CBLB: variants seen among roughly 807,000 people sequenced by gnomAD.
CBLB encodes E3 ubiquitin-protein ligase CBL-B.
In CBLB, 31 loss-of-function variants were observed where a neutral mutation model predicts 104.9. The ratio of observed to expected loss-of-function variants is 0.30; its 90% CI spans 0.22 to 0.40. The LOEUF (loss-of-function observed/expected upper bound fraction) is 0.40, where lower values mean the gene tolerates loss of function less well. Ranked by LOEUF, CBLB falls within the 10% of genes least tolerant of loss-of-function variation. The pLI is 1.00. For synonymous variants in CBLB, 440 were observed against 422.6 expected, an observed-to-expected ratio of 1.04 and a Z score of -0.51; for missense variants, 1,062 against 1,214.6, an observed-to-expected ratio of 0.87 and a Z score of 1.87.
At chr3:105,780,925 A>G (rs766125949) in intron 3 of CBLB, among the ~76,000 whole-genome samples, 1 of 151,954 alleles carries the variant, frequency 6.6e-6, no homozygotes, top group Non-Finnish European at 1.5e-5. Flanking sequence ...CTCCCAAAGT[A>G]CTGGGATTAT....
At chr3:105,789,742 A>G (rs1354716340) in intron 3 of CBLB, among the ~76,000 whole-genome samples, 3 of 152,168 alleles carry the variant, frequency 2.0e-5, no homozygotes, top group South Asian at 2.1e-4. Context: ...GTGTTTTCTG[A>G]AGACAATTTA....
chr3:105,732,852 G>A (rs1576695310), intron 9 of CBLB, among the ~76,000 whole-genome samples: 1 of 152,158 alleles, frequency 6.6e-6, no homozygotes, highest in Admixed American at 6.5e-5. Context: ...GGGTAGGAAT[G>A]TCAACTTTAT....
At chr3:105,683,018 T>C (rs549740708) in intron 14 of CBLB, among the ~76,000 whole-genome samples, 2 of 55,748 alleles carry the variant, frequency 3.6e-5, no homozygotes, top group Admixed American at 2.3e-4. Flanking sequence ...TAAAAGTGCG[T>C]ATGTAATGGA....
chr3:105,730,302 A>AGGGAACT (rs1347746961), intron 9 of CBLB, among the ~76,000 whole-genome samples: 1 of 152,118 alleles, frequency 6.6e-6, no homozygotes, highest in East Asian at 1.9e-4. Context: ...AATGGAACAA[A>AGGGAACT]GGGAACTAAG....
In CBLB at chr3:105,670,297, T is replaced by C; in HGVS notation, c.2625A>G (p.Leu875=). The change falls in exon 18 of 19, where the codon TTA becomes TTG. Residue 875 remains leucine, a synonymous_variant. Coordinates refer to ENST00000394030, the MANE Select transcript of CBLB (RefSeq NM_170662.5). ...TGTTAGTTTTGACATTTTCACCTGG[T>C]AACCTTCTAGCAGGAGGCAAAGGAA... ...GQVPLPPARR[L]PGENVKTNRT... 4 of 1,612,076 alleles carry C rather than the reference T, an allele frequency of 2.5e-6. No individual in the cohort carries two copies. The highest frequency in any genetic ancestry group is 3.4e-6 in the Non-Finnish European group (4 of 1,178,290).
chr3:105,711,200 T>C (rs574254272), intron 10 of CBLB, among the ~76,000 whole-genome samples: 50 of 152,142 alleles, frequency 3.3e-4, no homozygotes, highest in Admixed American at 1.0e-3. Flanking sequence ...GTCAATTTTA[T>C]AATACTTTTA....
intron 3 of CBLB, among the ~76,000 whole-genome samples, chr3:105,830,478 T>A (rs965477778): frequency 6.6e-6 from 1 of 152,196 alleles, no homozygotes; most frequent in Admixed American, 6.5e-5. Flanking sequence ...TAAAGCATCA[T>A]ATAACAAGAA....
At position 105,856,348 on chromosome 3, in the gene CBLB, CAA is replaced by C. The variant is rs1169479720; in HGVS notation, c.169-2686_169-2685del. On this transcript the variant is annotated intron_variant, in intron 2 of 18. Coordinates refer to ENST00000394030, the MANE Select transcript of CBLB (RefSeq NM_170662.5). ...TGGACAAGAAAGCAAGACTCCATCTCAAAAAAAAAAAAAAAAAAAAGAAAAGG... is the reference window on the plus strand; with the variant it reads ...TGGACAAGAAAGCAAGACTCCATCTCAAAAAAAAAAAAAAAAAAGAAAAGG... Among the ~76,000 whole-genome samples the C allele has an allele frequency of 5.1e-4, 16 of 31,086 alleles. No homozygotes were observed. The South Asian group carries it at 0.011, about 22-fold the overall frequency. 20.4% of individuals were successfully genotyped at this position (31,086 alleles called of 152,430 possible). A position where few individuals can be genotyped will look rare whatever the true frequency, so the allele number is the denominator to read the frequency against.
In CBLB at chr3:105,678,942, C is replaced by A. The variant is rs1048203873; in HGVS notation, c.2429-371G>T. Among the ~76,000 whole-genome samples the A allele has an allele frequency of 3.3e-5, 5 of 152,250 alleles. No individual in the cohort carries two copies. In the East Asian group the frequency reaches 9.6e-4, roughly 29 times the overall value. On this transcript the variant is annotated intron_variant, in intron 16 of 18. Transcript: ENST00000394030. Reference sequence around the variant, plus strand: ...ATTATTATCAGTCACACTATGAAAACAGGATTTTCTGTGTAGCAAAAAGAG... The same window carrying A: ...ATTATTATCAGTCACACTATGAAAAAAGGATTTTCTGTGTAGCAAAAAGAG...
intron 3 of CBLB, among the ~76,000 whole-genome samples, chr3:105,840,613 A>G (rs567794517): frequency 3.3e-5 from 5 of 152,222 alleles, no homozygotes; most frequent in Non-Finnish European, 5.9e-5. Flanking sequence ...ATTTAGAAAT[A>G]TATCACACAT....
At chr3:105,767,000 T>C (rs772034610) in intron 4 of CBLB, among the ~76,000 whole-genome samples, 4 of 152,204 alleles carry the variant, frequency 2.6e-5, no homozygotes, top group Non-Finnish European at 5.9e-5. Flanking sequence ...AGTTGTTTTG[T>C]ATCTTGTTAC....
intron 9 of CBLB, among the ~76,000 whole-genome samples, chr3:105,723,248 T>A (rs1190658872): frequency 6.6e-6 from 1 of 152,196 alleles, no homozygotes; most frequent in African/African-American, 2.4e-5. Context: ...ATTAAAATAA[T>A]GTTTCTGTCA....
At position 105,853,975 on chromosome 3, in the gene CBLB, C is replaced by CT. The variant is rs906342314; in HGVS notation, c.169-312dup. Among the ~76,000 whole-genome samples, 640 of 151,404 alleles carry CT rather than the reference C, an allele frequency of 4.2e-3. 5 individuals are homozygous for CT. Among genetic ancestry groups the CT allele is most frequent in the African/African-American group, 0.015 (615 of 41,276 alleles). ...CTAATCACTGTATATCACTGATAGT[C>CT]TTTTTTTTTAAATAAAAATGAGGAA... On this transcript the variant is annotated intron_variant, in intron 2 of 18. Transcript: ENST00000394030.
chr3:105,867,770 C>T lies in CBLB; in HGVS notation c.-14-179G>A, dbSNP rs188019924. Among the ~76,000 whole-genome samples, 147 of 152,018 alleles carry T rather than the reference C, an allele frequency of 9.7e-4. 2 individuals carry two copies. The Middle Eastern group carries it at 0.014, about 14-fold the overall frequency. ...AATTTACACTCTCAATCTTTACACACAGTAGTTTTAAGAGCAGTGATCCTA... is the reference window on the plus strand; with the variant it reads ...AATTTACACTCTCAATCTTTACACATAGTAGTTTTAAGAGCAGTGATCCTA... On this transcript the variant is annotated intron_variant, in intron 1 of 18. Transcript: ENST00000394030.
At chr3:105,763,732 T>C (rs975608614) in intron 4 of CBLB, among the ~76,000 whole-genome samples, 6 of 152,230 alleles carry the variant, frequency 3.9e-5, no homozygotes, top group East Asian at 1.9e-4. Flanking sequence ...CAGCAGAACA[T>C]GATCCTAAAA....
chr3:105,796,015 C>T (rs1172491618), intron 3 of CBLB, among the ~76,000 whole-genome samples: 1 of 152,142 alleles, frequency 6.6e-6, no homozygotes, highest in Non-Finnish European at 1.5e-5. Flanking sequence ...AGCCACTATG[C>T]CAGGCCAACA....
chr3:105,681,170 C>A (rs1444764137), intron 16 of CBLB: 7 of 429,076 alleles, frequency 1.6e-5, no homozygotes, highest in Non-Finnish European at 2.9e-5. Flanking sequence ...AAAATCTCAA[C>A]ACTTCAAGTC....
intron 4 of CBLB, among the ~76,000 whole-genome samples, chr3:105,754,260 A>C (rs2076840156): frequency 6.6e-6 from 1 of 152,222 alleles, no homozygotes; most frequent in Non-Finnish European, 1.5e-5. Flanking sequence ...CTAAGGCTCT[A>C]AACTTTCTTA....
At position 105,853,516 on chromosome 3, in the gene CBLB, T is replaced by G; in HGVS notation, c.317A>C (p.Tyr106Ser). ...QKLAQLSENE[Y>S]FKIYIDSLMK... ...AAGGCTATCAATGTAGATTTTAAAG[T>G]ACTCATTCTCACTGAGTTGGGCAAG... The change falls in exon 3 of 19, where the codon TAC (tyrosine) becomes TCC (serine). Residue 106 changes from tyrosine (Y) to serine (S), a missense_variant. Tyr to Ser is a moderately radical substitution (Grantham distance 144, BLOSUM62 -2). Coordinates refer to ENST00000394030, the MANE Select transcript of CBLB (RefSeq NM_170662.5). 1 of 1,613,402 alleles carries G rather than the reference T, an allele frequency of 6.2e-7. No individual in the cohort carries two copies. The highest frequency in any genetic ancestry group is 8.5e-7 in the Non-Finnish European group (1 of 1,179,432).
Sources: gnomAD v4.1 joint callset for allele counts (sites outside exome capture counted in the v4.1 genomes callset) on GRCh38, gnomAD v4.1.1 for gene constraint, MANE v1.5 for transcripts, NCBI Gene and HGNC (gene_info 2026-07-23, HGNC 2026-07-21) for gene names.